ELAVL2: variants seen among roughly 807,000 people sequenced by gnomAD.
ELAVL2 encodes the protein ELAV-like protein 2.
ELAVL2 carries 4 observed loss-of-function variants against 34.6 expected under a neutral mutation model. The observed-to-expected ratio is 0.12, with a 90% CI of 0.06 to 0.26. ELAVL2 has a LOEUF of 0.26. ELAVL2 is among the 10% of genes least tolerant of loss of function. The pLI is 1.00. For synonymous variants in ELAVL2, 193 were observed against 154.8 expected (o/e 1.25, Z -1.83); for missense variants, 432 against 442.8 (o/e 0.98, Z 0.22).
At chr9:23,714,563 C>CAG (rs2041828766) in intron 3 of ELAVL2, among the ~76,000 whole-genome samples, 2 of 152,168 alleles carry the variant, frequency 1.3e-5, no homozygotes, top group Non-Finnish European at 2.9e-5. Context: ...TTATTTCTCC[C>CAG]ATCAAGCTGT....
chr9:23,693,546 A>C, intron 5 of ELAVL2, 60 bp from the exon 6 acceptor site: 1 of 1,600,686 alleles, frequency 6.2e-7, no homozygotes. Flanking sequence ...TGTTCAAGAA[A>C]GTTGGGCTCA....
At chr9:23,841,597 A>G in the ELAVL2 span, among the ~76,000 whole-genome samples, 67 of 152,290 alleles carry the variant, frequency 4.4e-4, 1 homozygote, top group East Asian at 0.013. Context: ...CAATGTAAAT[A>G]TAATTCAACA....
intron 1 of ELAVL2, among the ~76,000 whole-genome samples, chr9:23,791,205 A>C (rs946408626): frequency 6.6e-6 from 1 of 152,198 alleles, no homozygotes; most frequent in Non-Finnish European, 1.5e-5. Flanking sequence ...GGGTAAATGG[A>C]AAAGAAATCT....
chr9:23,841,970 CAG>C, the ELAVL2 span, among the ~76,000 whole-genome samples: 2 of 152,132 alleles, frequency 1.3e-5, no homozygotes, highest in African/African-American at 2.4e-5. Context: ...ATCAACTCAT[CAG>C]ATAACAACTC....
intron 2 of ELAVL2, among the ~76,000 whole-genome samples, chr9:23,759,611 C>T (rs1017088210): frequency 6.6e-6 from 1 of 151,170 alleles, no homozygotes; most frequent in Non-Finnish European, 1.5e-5. Flanking sequence ...TAATACCCTG[C>T]TTGATCATTA....
At chr9:23,722,927 T>C (rs889988233) in intron 3 of ELAVL2, among the ~76,000 whole-genome samples, 2 of 152,074 alleles carry the variant, frequency 1.3e-5, no homozygotes, top group South Asian at 2.1e-4. Flanking sequence ...AAGCCAGGTA[T>C]GTGGTAGAAC....
chr9:23,720,582 A>T (rs992663350), intron 3 of ELAVL2, among the ~76,000 whole-genome samples: 1 of 152,204 alleles, frequency 6.6e-6, no homozygotes, highest in Non-Finnish European at 1.5e-5. Flanking sequence ...ATTTAATGAC[A>T]CACAAATGCC....
rs563237196 is a variant in ELAVL2 at position 23,767,268 on chromosome 9, T to C, written c.-15-5019A>G. Among the ~76,000 whole-genome samples the C allele has an allele frequency of 3.9e-5, 6 of 152,350 alleles. No homozygotes were observed. The South Asian group carries it at 1.2e-3, about 32-fold the overall frequency. ...ATTTTAACATCTACTGTTTTCACAA[T>C]AGTGGAATTTAGAAAATAAATGCTT... On this transcript the variant is annotated intron_variant, in intron 1 of 6. Coordinates refer to ENST00000397312, the MANE Select transcript of ELAVL2 (RefSeq NM_004432.5).
chr9:23,756,466 C>T (rs1293814554), intron 2 of ELAVL2, among the ~76,000 whole-genome samples: 4 of 152,100 alleles, frequency 2.6e-5, no homozygotes, highest in Non-Finnish European at 5.9e-5. Context: ...AGGTCTTCCA[C>T]CAACTACTCC....
At chr9:23,826,390 C>G (rs1376886399), upstream of ELAVL2, 1 of 152,408 alleles carries the variant, frequency 6.6e-6, no homozygotes, top group African/African-American at 2.4e-5. Flanking sequence ...CACAACGTAA[C>G]TTGCTCATCG....
intron 1 of ELAVL2, among the ~76,000 whole-genome samples, chr9:23,809,135 G>C (rs532772092): frequency 6.6e-6 from 1 of 152,178 alleles, no homozygotes; most frequent in Non-Finnish European, 1.5e-5. Flanking sequence ...GTACGGAGCA[G>C]CCTTGTCAGG....
intron 1 of ELAVL2, chr9:23,783,413 C>T (rs2059315809): frequency 1.0e-6 from 1 of 982,676 alleles, no homozygotes. Context: ...CATGTAACTT[C>T]AGAGAGCATG....
At position 23,701,618 on chromosome 9, in the gene ELAVL2, G is replaced by A; in HGVS notation, c.488-14C>T. On this transcript the variant is annotated splice_polypyrimidine_tract_variant and intron_variant, in intron 4 of 6. Transcript: ENST00000397312. Reference sequence around the variant, plus strand: ...CCCTTGATATGCCTATGGTAGATTTGAGTAAAGATTTGGAAAAGAGGGAAC... The same window carrying A: ...CCCTTGATATGCCTATGGTAGATTTAAGTAAAGATTTGGAAAAGAGGGAAC... 6.2e-7 allele frequency: 1 copy of A among 1,610,418 alleles called. No individual in the cohort carries two copies. Among genetic ancestry groups the A allele is most frequent in the Non-Finnish European group, 8.5e-7 (1 of 1,177,232 alleles).
intron 3 of ELAVL2, among the ~76,000 whole-genome samples, chr9:23,716,380 T>C (rs1283484933): frequency 6.6e-6 from 1 of 152,212 alleles, no homozygotes; most frequent in Non-Finnish European, 1.5e-5. Flanking sequence ...TTAAGTCCTT[T>C]ACATATCCTT....
rs1014255436 is a variant in ELAVL2 at position 23,802,183 on chromosome 9, G to A, written c.-16+23623C>T. Among the ~76,000 whole-genome samples, 3 of 152,280 alleles carry A rather than the reference G, an allele frequency of 2.0e-5. No homozygotes were observed. The East Asian group carries it at 5.8e-4, about 29-fold the overall frequency. ...ATGCATGGAGCAGGTGAACTACTCC[G>A]AGGTGCATTTTTAGCTCATGTGACC... On this transcript the variant is annotated intron_variant, in intron 1 of 6. Coordinates refer to ENST00000397312, the MANE Select transcript of ELAVL2 (RefSeq NM_004432.5).
intron 1 of ELAVL2, among the ~76,000 whole-genome samples, chr9:23,820,610 C>A (rs151265650): frequency 6.6e-6 from 1 of 152,114 alleles, no homozygotes; most frequent in Admixed American, 6.5e-5. Flanking sequence ...TGAAGGATAA[C>A]AAGGAGGCTT....
intron 2 of ELAVL2, among the ~76,000 whole-genome samples, chr9:23,747,062 C>T (rs763799846): frequency 1.3e-5 from 2 of 152,092 alleles, no homozygotes; most frequent in Non-Finnish European, 2.9e-5. Flanking sequence ...TAGCCGAGTA[C>T]AGTAGTCCTC....
chr9:23,739,767 G>A (rs765000037), intron 2 of ELAVL2, among the ~76,000 whole-genome samples: 1 of 150,270 alleles, frequency 6.7e-6, no homozygotes, highest in Admixed American at 6.7e-5. Context: ...TCACAAACAT[G>A]CACTCTTGCC....
chr9:23,706,594 T>G (rs143493719), intron 3 of ELAVL2, among the ~76,000 whole-genome samples: 2 of 152,316 alleles, frequency 1.3e-5, no homozygotes, highest in East Asian at 3.9e-4. Flanking sequence ...CTAGCCTACT[T>G]CAAGGGACAG....
Sources: allele counts gnomAD v4.1 joint callset (sites outside exome capture counted in the v4.1 genomes callset), GRCh38; gene constraint gnomAD v4.1.1; transcripts MANE v1.5; gene names NCBI Gene and HGNC (gene_info 2026-07-23, HGNC 2026-07-21).